The following GPR39 variants were observed in gnomAD, a reference collection of about 807,000 sequenced individuals.
The protein encoded by GPR39 is G protein-coupled receptor 39.
Under a neutral mutation model 18.4 loss-of-function variants are expected in GPR39, and 23 were observed. That is an observed-to-expected ratio of 1.25 (90% CI 0.90 to 1.77). The LOEUF is 1.77. GPR39 is among the 40% of genes most tolerant of loss of function. The pLI is 0.00. For synonymous variants in GPR39, 280 were observed against 257.9 expected (o/e 1.09, Z -0.82); for missense variants, 647 against 602.4 (o/e 1.07, Z -0.78).
intron 1 of GPR39, among the ~76,000 whole-genome samples, chr2:132,583,304 C>T (rs73955705): frequency 0.014 from 2,171 of 151,650 alleles, 55 homozygotes; most frequent in African/African-American, 0.045. Flanking sequence ...TGGGTCAAAA[C>T]GTTTAAAGCT....
intron 1 of GPR39, among the ~76,000 whole-genome samples, chr2:132,583,752 ATCACTGGGAGGCGC>A: frequency 6.6e-6 from 1 of 151,194 alleles, no homozygotes; most frequent in South Asian, 2.2e-4. Flanking sequence ...GAGGGCTAGA[ATCACTGGGAGGCGC>A]TCACAGGTCT....
At chr2:132,419,488 G>A (rs1428464195) in intron 1 of GPR39, among the ~76,000 whole-genome samples, 2 of 152,216 alleles carry the variant, frequency 1.3e-5, no homozygotes, top group Non-Finnish European at 2.9e-5. Flanking sequence ...TGGTGTTGCT[G>A]CCTCTTAGGG....
intron 1 of GPR39, among the ~76,000 whole-genome samples, chr2:132,491,030 T>C (rs778707787): frequency 6.6e-5 from 10 of 152,172 alleles, no homozygotes; most frequent in Non-Finnish European, 1.3e-4. Flanking sequence ...TGCTCTAATT[T>C]GCGAACCTTG....
rs762870383 is a variant in GPR39 at position 132,646,022 on chromosome 2, A to AG, written c.*421dup. ...GCGAGGGCTGGAAGAACAATGCAGG[A>AG]GGGGGTGGCATCTCCTTCAGCTTCA... On this transcript the variant is annotated 3_prime_UTR_variant, in exon 2 of 2. Coordinates refer to ENST00000329321, the MANE Select transcript of GPR39 (RefSeq NM_001508.3). 7.3e-6 allele frequency: 11 copies of AG among 1,499,118 alleles called. No individual in the cohort carries two copies. In the Admixed American group the frequency reaches 8.4e-5, roughly 11 times the overall value. The allele number at this position is 1,499,118 out of a possible 1,614,324, so 92.9% of individuals were successfully genotyped here. A position where few individuals can be genotyped will look rare whatever the true frequency, so the allele number is the denominator to read the frequency against.
At chr2:132,469,073 C>G (rs1008627795) in intron 1 of GPR39, among the ~76,000 whole-genome samples, 1 of 152,196 alleles carries the variant, frequency 6.6e-6, no homozygotes, top group Non-Finnish European at 1.5e-5. Context: ...ATTCAAAGGG[C>G]TTGGGACATG....
intron 1 of GPR39, among the ~76,000 whole-genome samples, chr2:132,598,346 G>A (rs1680982111): frequency 6.7e-6 from 1 of 149,806 alleles, no homozygotes; most frequent in Admixed American, 6.7e-5. Flanking sequence ...AATTTGAGTT[G>A]GATAAGAATC....
chr2:132,469,654 C>T (rs923601575), intron 1 of GPR39, among the ~76,000 whole-genome samples: 1 of 152,140 alleles, frequency 6.6e-6, no homozygotes, highest in Non-Finnish European at 1.5e-5. Flanking sequence ...TCTCCACCTG[C>T]CCCAGACAGT....
chr2:132,611,754 T>C (rs1681243334), intron 1 of GPR39, among the ~76,000 whole-genome samples: 1 of 152,230 alleles, frequency 6.6e-6, no homozygotes, highest in African/African-American at 2.4e-5. Context: ...ATGGAGATTA[T>C]ACAGTGTAAA....
chr2:132,546,390 C>G (rs1024930423), intron 1 of GPR39, among the ~76,000 whole-genome samples: 1 of 152,072 alleles, frequency 6.6e-6, no homozygotes, highest in Non-Finnish European at 1.5e-5. Context: ...CTGGACAGAT[C>G]GGGGGATAGG....
intron 1 of GPR39, among the ~76,000 whole-genome samples, chr2:132,427,142 ATAT>A: frequency 4.3e-5 from 4 of 92,684 alleles, no homozygotes; most frequent in African/African-American, 2.6e-4. Context: ...ATATATATAT[ATAT>A]ATATATATAT....
chr2:132,639,544 T>G (rs1378704288), intron 1 of GPR39, among the ~76,000 whole-genome samples: 1 of 152,186 alleles, frequency 6.6e-6, no homozygotes, highest in East Asian at 1.9e-4. Context: ...TGATCAACTT[T>G]CCAGATATTT....
At chr2:132,473,833 G>A (rs1681077145) in intron 1 of GPR39, among the ~76,000 whole-genome samples, 1 of 152,224 alleles carries the variant, frequency 6.6e-6, no homozygotes, top group South Asian at 2.1e-4. Context: ...CAGGAATGCA[G>A]TATTGCATCC....
intron 1 of GPR39, among the ~76,000 whole-genome samples, chr2:132,474,489 G>A (rs1001660654): frequency 3.9e-5 from 6 of 152,196 alleles, no homozygotes; most frequent in African/African-American, 1.2e-4. Flanking sequence ...TCTGGAAACT[G>A]GGTGAGGGGA....
chr2:132,527,484 T>A (rs1679535362), intron 1 of GPR39, among the ~76,000 whole-genome samples: 1 of 152,216 alleles, frequency 6.6e-6, no homozygotes, highest in Non-Finnish European at 1.5e-5. Flanking sequence ...TCAAATGGTG[T>A]TTGTAGTTCT....
At position 132,459,684 on chromosome 2, in the gene GPR39, T is replaced by C. The variant is rs146421104; in HGVS notation, c.856+41786T>C. On this transcript the variant is annotated intron_variant, in intron 1 of 1. Coordinates refer to ENST00000329321, the MANE Select transcript of GPR39 (RefSeq NM_001508.3). The stretch of plus-strand genomic sequence containing the variant: ...TCATGAATTATTCCCTTCTAGGGAA[T>C]TCTTATTGAATTAGATAGCTGTGTA... Among the ~76,000 whole-genome samples, 593 of 152,348 alleles carry C rather than the reference T, an allele frequency of 3.9e-3. 9 individuals carry two copies. The highest frequency in any genetic ancestry group is 0.014 in the African/African-American group (562 of 41,584).
chr2:132,608,772 C>T lies in GPR39; in HGVS notation c.857-36329C>T, dbSNP rs187183174. On this transcript the variant is annotated intron_variant, in intron 1 of 1. Transcript: ENST00000329321. Reference sequence around the variant, plus strand: ...TGGGGTCAGCTCACCTTTAAGTAGCCATTAGCCCCCTCCGCTGCAAAGCTG... The same window carrying T: ...TGGGGTCAGCTCACCTTTAAGTAGCTATTAGCCCCCTCCGCTGCAAAGCTG... Among the ~76,000 whole-genome samples the T allele has an allele frequency of 1.5e-3, 224 of 152,262 alleles. 3 individuals carry two copies. In the East Asian group the frequency reaches 0.032, roughly 21 times the overall value.
chr2:132,457,682 C>T (rs897420752), intron 1 of GPR39, among the ~76,000 whole-genome samples: 7 of 152,342 alleles, frequency 4.6e-5, no homozygotes, highest in Middle Eastern at 3.4e-3. Flanking sequence ...CAGACAGGGA[C>T]GTTTAAGTCT....
intron 1 of GPR39, among the ~76,000 whole-genome samples, chr2:132,637,857 T>A (rs1173147033): frequency 6.6e-6 from 1 of 152,252 alleles, no homozygotes; most frequent in Non-Finnish European, 1.5e-5. Flanking sequence ...CCCTGTTAGC[T>A]ATTAAGGAAC....
chr2:132,608,109 AAAAT>A (rs1681173530), intron 1 of GPR39, among the ~76,000 whole-genome samples: 1 of 152,200 alleles, frequency 6.6e-6, no homozygotes, highest in Non-Finnish European at 1.5e-5. Context: ...AAAAAAGAAA[AAAAT>A]ACCCAACTCT....
Sources: allele counts gnomAD v4.1 joint callset (sites outside exome capture counted in the v4.1 genomes callset), GRCh38; gene constraint gnomAD v4.1.1; transcripts MANE v1.5; gene names NCBI Gene and HGNC (gene_info 2026-07-23, HGNC 2026-07-21).